Variants in FRYL observed in about 807,000 individuals in gnomAD.
FRYL encodes the protein FRY like transcription coactivator.
FRYL carries 150 observed loss-of-function variants against 351.2 expected under a neutral mutation model. The ratio of observed to expected loss-of-function variants is 0.43; its 90% CI spans 0.37 to 0.49. The LOEUF (loss-of-function observed/expected upper bound fraction) is 0.49, where lower values mean the gene tolerates loss of function less well. Ranked by LOEUF, FRYL falls within the 20% of genes least tolerant of loss-of-function variation. FRYL has a pLI of 0.00. For missense variants in FRYL, 3,036 were observed against 3,619.3 expected, an observed-to-expected ratio of 0.84 and a Z score of 4.13; for synonymous variants, 1,153 against 1,257.1, an observed-to-expected ratio of 0.92 and a Z score of 1.75.
intron 26 of FRYL, chr4:48,571,807 T>G: frequency 6.1e-6 from 6 of 984,008 alleles, no homozygotes; most frequent in Non-Finnish European, 7.2e-6. Flanking sequence ...GTTTTCATTT[T>G]GTCTTCACAG....
At chr4:48,642,259 A>T (rs1336493376) in intron 3 of FRYL, among the ~76,000 whole-genome samples, 1 of 152,154 alleles carries the variant, frequency 6.6e-6, no homozygotes. Context: ...AAGCTTATGC[A>T]TGCCTTCACA....
intron 3 of FRYL, among the ~76,000 whole-genome samples, chr4:48,662,399 C>T (rs1001951404): frequency 2.6e-5 from 4 of 151,848 alleles, no homozygotes; most frequent in Admixed American, 6.6e-5. Context: ...GGCAACAGAG[C>T]GAGACCCTGT....
chr4:48,521,299 G>T, intron 54 of FRYL, 84 bp from the exon 55 acceptor site: 1 of 987,748 alleles, frequency 1.0e-6, no homozygotes, highest in African/African-American at 1.7e-5. Context: ...ATATTTTAGG[G>T]GCTTCGTTAT....
Position 48,581,425 on chromosome 4 carries a change from G to A in FRYL, c.2167C>T (p.Pro723Ser), listed in dbSNP as rs1740879174. ...IRALFALLEI[P>S]KGDDELAIDV... The stretch of plus-strand genomic sequence containing the variant: ...ATGAAATACCTAAATCTTACCTTAG[G>A]TATTTCCAGAAGTGCAAATAAAGCC... Residue 723 changes from proline to serine, a missense_variant, in exon 21 of 64, where the codon CCT (proline) becomes TCT (serine). This residue lies in a region of FRYL where 492 missense variants were observed against 551.5 expected (regional missense o/e 0.89). Coordinates refer to ENST00000358350, the MANE Select transcript of FRYL (RefSeq NM_015030.2). 14 of 1,603,198 alleles carry A rather than the reference G, an allele frequency of 8.7e-6. No individual in the cohort carries two copies. The East Asian group carries it at 3.1e-4, about 36-fold the overall frequency.
chr4:48,590,647 A>T lies in FRYL; in HGVS notation c.1507+12T>A. 1 of 1,558,450 alleles carries T rather than the reference A, an allele frequency of 6.4e-7. No homozygotes were observed. ...GTATTACAAAGCAACATTTAATTTC[A>T]ATTAAACTAACCTATGACTTTTGCT... On this transcript the variant is annotated intron_variant, in intron 17 of 63. Transcript: ENST00000358350.
chr4:48,581,042 C>CTT, intron 21 of FRYL, 91 bp from the exon 22 acceptor site: 3 of 657,056 alleles, frequency 4.6e-6, no homozygotes, highest in South Asian at 4.5e-5. Flanking sequence ...CACTTCAGCA[C>CTT]TATTTTTTTT....
chr4:48,670,141 T>C (rs959156897), intron 3 of FRYL, among the ~76,000 whole-genome samples: 26 of 152,210 alleles, frequency 1.7e-4, no homozygotes, highest in Non-Finnish European at 3.1e-4. Context: ...AATTAAATTA[T>C]TTTTTACTAT....
chr4:48,563,294 A>C (rs1348359501), intron 31 of FRYL, among the ~76,000 whole-genome samples: 1 of 152,056 alleles, frequency 6.6e-6, no homozygotes, highest in African/African-American at 2.4e-5. Flanking sequence ...AAAAAAAAAA[A>C]ATCCATGCAT....
intron 2 of FRYL, among the ~76,000 whole-genome samples, chr4:48,698,710 G>C (rs574915614): frequency 6.6e-6 from 1 of 152,192 alleles, no homozygotes; most frequent in South Asian, 2.1e-4. Flanking sequence ...TGACCATATA[G>C]AACATGCCAC....
rs189263754 is a variant in FRYL, at chr4:48,548,458, C to T, written c.4888+232G>A. Among the ~76,000 whole-genome samples, 20 of 151,894 alleles carry T rather than the reference C, an allele frequency of 1.3e-4. No individual in the cohort carries two copies. The East Asian group carries it at 3.3e-3, about 25-fold the overall frequency. The stretch of plus-strand genomic sequence containing the variant: ...ATATGTGTGTTTGTGTGTGGGCAGG[C>T]GAGGCCATAAGATAGGAATAGGAAT... On this transcript the variant is annotated intron_variant, in intron 40 of 63. Coordinates refer to ENST00000358350, the MANE Select transcript of FRYL (RefSeq NM_015030.2).
intron 1 of FRYL, among the ~76,000 whole-genome samples, chr4:48,775,092 A>C (rs1578998781): frequency 6.6e-6 from 1 of 152,136 alleles, no homozygotes. Context: ...CAGGAACAGC[A>C]GTGTTTGCAA....
chr4:48,500,543 C>T (rs1043049063), intron 62 of FRYL, among the ~76,000 whole-genome samples: 1 of 152,018 alleles, frequency 6.6e-6, no homozygotes, highest in Non-Finnish European at 1.5e-5. Flanking sequence ...AACTATATAA[C>T]AGTAAAGTCT....
intron 2 of FRYL, among the ~76,000 whole-genome samples, chr4:48,687,671 G>C (rs1560861411): frequency 6.6e-6 from 1 of 152,148 alleles, no homozygotes; most frequent in Non-Finnish European, 1.5e-5. Flanking sequence ...GAAGACATTT[G>C]ATGTATGTGT....
At chr4:48,643,466 A>G (rs1419513452) in intron 3 of FRYL, among the ~76,000 whole-genome samples, 5 of 152,212 alleles carry the variant, frequency 3.3e-5, no homozygotes, top group Admixed American at 1.3e-4. Flanking sequence ...ATAACTGTAT[A>G]CCTAAAGGTA....
At chr4:48,662,475 A>G (rs1760944725) in intron 3 of FRYL, among the ~76,000 whole-genome samples, 2 of 152,078 alleles carry the variant, frequency 1.3e-5, no homozygotes, top group African/African-American at 4.8e-5. Flanking sequence ...ATAAAATATT[A>G]TTCGAAAAAA....
chr4:48,507,057 A>G (rs887858596), intron 59 of FRYL, among the ~76,000 whole-genome samples: 1 of 152,234 alleles, frequency 6.6e-6, no homozygotes, highest in Non-Finnish European at 1.5e-5. Context: ...TAAAATATTT[A>G]TACACTTAAT....
chr4:48,707,796 T>G (rs908580824), intron 2 of FRYL, among the ~76,000 whole-genome samples: 3 of 151,838 alleles, frequency 2.0e-5, no homozygotes, highest in Non-Finnish European at 4.4e-5. Flanking sequence ...TCTCCCAAAT[T>G]TGTTTCAAAA....
At chr4:48,622,285 G>GA (rs1323538786) in intron 5 of FRYL, among the ~76,000 whole-genome samples, 6 of 152,152 alleles carry the variant, frequency 3.9e-5, no homozygotes, top group Non-Finnish European at 8.8e-5. Flanking sequence ...CATGAGACTT[G>GA]AAAAGCACTG....
At chr4:48,625,863 T>C (rs765535599) in intron 4 of FRYL, among the ~76,000 whole-genome samples, 1 of 152,182 alleles carries the variant, frequency 6.6e-6, no homozygotes, top group African/African-American at 2.4e-5. Flanking sequence ...AAAGTATGTA[T>C]ATATGGTAGT....
Sources: gnomAD v4.1 joint callset for allele counts (sites outside exome capture counted in the v4.1 genomes callset) on GRCh38, gnomAD v4.1.1 for gene constraint, gnomAD v4.1.1 regional missense constraint, MANE v1.5 for transcripts, NCBI Gene and HGNC (gene_info 2026-07-23, HGNC 2026-07-21) for gene names.